SPTBN5: variants seen among roughly 807,000 people sequenced by gnomAD.
The protein encoded by SPTBN5 is spectrin beta chain, non-erythrocytic 5.
SPTBN5 carries 513 observed loss-of-function variants against 477.6 expected under a neutral mutation model. The ratio of observed to expected loss-of-function variants is 1.07; its 90% CI spans 1.00 to 1.16. The LOEUF (loss-of-function observed/expected upper bound fraction) is 1.16, where lower values mean the gene tolerates loss of function less well. Ranked by LOEUF, SPTBN5 falls within the 50% of genes most tolerant of loss-of-function variation. The pLI is 0.00. For synonymous variants in SPTBN5, 2,169 were observed against 2,011.7 expected, an observed-to-expected ratio of 1.08 and a Z score of -2.09; for missense variants, 5,062 against 4,731.8, an observed-to-expected ratio of 1.07 and a Z score of -2.05.
chr15:41,851,773 A>T lies in SPTBN5; in HGVS notation c.10656+6T>A. The T allele has an allele frequency of 6.2e-7, 1 of 1,607,046 alleles. No homozygotes were observed. The highest frequency in any genetic ancestry group is 8.5e-7 in the Non-Finnish European group (1 of 1,176,838). ...CTGCCTGGAGAAGGAATCTCCAGGC[A>T]CTCACCTGCCTCCCGCCAGGCAGCA... On this transcript the variant is annotated splice_donor_region_variant and intron_variant, in intron 63 of 67. Coordinates refer to ENST00000320955, the MANE Select transcript of SPTBN5 (RefSeq NM_016642.4).
At chr15:41,883,537 C>G (rs2067049291) in intron 7 of SPTBN5, 51 bp from the exon 8 acceptor site, 1 of 1,586,486 alleles carries the variant, frequency 6.3e-7, no homozygotes, top group Non-Finnish European at 8.6e-7. Flanking sequence ...GGCAGGGAAG[C>G]TACTTCAGGG....
At chr15:41,884,586 G>T (rs1019650076) in intron 7 of SPTBN5, among the ~76,000 whole-genome samples, 3 of 152,108 alleles carry the variant, frequency 2.0e-5, no homozygotes, top group Non-Finnish European at 4.4e-5. Flanking sequence ...TTCTGCCTTT[G>T]CCCCTTGGAT....
rs2066533944 is a variant in SPTBN5 at position 41,871,463 on chromosome 15, C to T, written c.5359G>A (p.Val1787Met). Reference sequence around the variant, plus strand: ...TCCGCCAGCAGCCGGCAGGCGGCCACCCGCTGGCTGCCCATCTCCACTTGG... The same window carrying T: ...TCCGCCAGCAGCCGGCAGGCGGCCATCCGCTGGCTGCCCATCTCCACTTGG... Reference protein sequence around the residue: ...QHQVEMGSQRVAACRLLAESL... With the variant: ...QHQVEMGSQRMAACRLLAESL... The change falls in exon 29 of 68, where the codon GTG becomes ATG. Residue 1787 changes from valine to methionine, a missense_variant. Coordinates refer to ENST00000320955, the MANE Select transcript of SPTBN5 (RefSeq NM_016642.4). 1 of 1,538,870 alleles carries T rather than the reference C, an allele frequency of 6.5e-7. No homozygotes were observed.
rs771901078 is a variant in SPTBN5 at position 41,853,730 on chromosome 15, GTCGGCAGGCCTCC to G, written c.9819_9831del (p.Glu3274TrpfsTer50). 6.1e-5 allele frequency: 97 copies of G among 1,589,968 alleles called. No homozygotes were observed. In the Admixed American group the frequency reaches 1.7e-3, roughly 28 times the overall value. ...GGAGCTGCAGGATGTAGCTGGCCCA[GTCGGCAGGCCTCC>G]GTCTGTAGCCGTGCCACCTCCTTCT... On this transcript the variant is annotated frameshift_variant, in exon 58 of 68. Transcript: ENST00000320955. LOFTEE classifies it high-confidence loss of function.
chr15:41,857,944 A>G (rs1028395223), intron 49 of SPTBN5, among the ~76,000 whole-genome samples: 1 of 152,254 alleles, frequency 6.6e-6, no homozygotes, highest in Non-Finnish European at 1.5e-5. Context: ...GGTGATTTAT[A>G]TCAGAGGGAG....
chr15:41,867,411 C>T, intron 35 of SPTBN5, 127 bp downstream of exon 35: 3 of 971,270 alleles, frequency 3.1e-6, no homozygotes, highest in Non-Finnish European at 4.8e-6. Context: ...CAACCCCAAC[C>T]AGGACCCCAG....
intron 67 of SPTBN5, among the ~76,000 whole-genome samples, 194 bp from the exon 68 acceptor site, chr15:41,848,822 C>A (rs770089787): frequency 4.9e-4 from 74 of 152,150 alleles, no homozygotes; most frequent in Non-Finnish European, 9.6e-4. Context: ...GGAGTTGCCT[C>A]GACTTTCATA....
chr15:41,854,971 C>A lies in SPTBN5; in HGVS notation c.9429G>T (p.Leu3143=). Residue 3143 remains leucine, a synonymous_variant, in exon 56 of 68, where the codon CTG becomes CTT. Transcript: ENST00000320955. ...TTCTGAAAGCATCAAACTTCTCTTC[C>A]AGCACCTGCAAAGGTATGAGGCCCA... is the stretch of plus-strand genomic sequence containing the variant. ...YGQDLEGVKV[L]EEKFDAFRKE... The A allele has an allele frequency of 6.5e-7, 1 of 1,540,922 alleles. No individual in the cohort carries two copies. The highest frequency in any genetic ancestry group is 1.2e-5 in the South Asian group (1 of 80,118).
chr15:41,862,075 G>T (rs904378998), intron 44 of SPTBN5, 55 bp downstream of exon 44: 17 of 1,393,428 alleles, frequency 1.2e-5, no homozygotes, highest in Non-Finnish European at 1.5e-5. Context: ...AGAGGAAGGG[G>T]AGGGCAGGGC....
intron 35 of SPTBN5, 91 bp downstream of exon 35, chr15:41,867,447 C>A (rs1452370337): frequency 2.6e-5 from 33 of 1,259,182 alleles, no homozygotes; most frequent in Non-Finnish European, 3.7e-5. Flanking sequence ...AGCACTGCCT[C>A]CAGGAACACA....
intron 14 of SPTBN5, 101 bp from the exon 15 acceptor site, chr15:41,879,965 T>C: frequency 6.7e-7 from 1 of 1,498,234 alleles, no homozygotes; most frequent in Non-Finnish European, 9.0e-7. Flanking sequence ...GCTACAGGGA[T>C]GCTCATGCTG....
rs1275316781 is a variant in SPTBN5, at chr15:41,868,393, C to T, written c.6057+5G>A. 2.5e-6 allele frequency: 4 copies of T among 1,595,526 alleles called. No homozygotes were observed. The highest frequency in any genetic ancestry group is 2.7e-5 in the African/African-American group (2 of 74,564). ...TATGTGGGGGCACCAGGGGAGGGGGCCCACCTCCTTGGTGGGTGTCCCTGC... is the reference window on the plus strand; with the variant it reads ...TATGTGGGGGCACCAGGGGAGGGGGTCCACCTCCTTGGTGGGTGTCCCTGC... On this transcript the variant is annotated splice_donor_5th_base_variant and intron_variant, in intron 33 of 67. Transcript: ENST00000320955.
Position 41,851,814 on chromosome 15 carries a change from C to T in SPTBN5, c.10621G>A (p.Glu3541Lys). 1 of 1,610,946 alleles carries T rather than the reference C, an allele frequency of 6.2e-7. No individual in the cohort carries two copies. Among genetic ancestry groups the T allele is most frequent in the South Asian group, 1.1e-5 (1 of 90,952 alleles). ...CCAGGCAGCAGGTGCTGCTTGAACT[C>T]CAAAGACCCCTCCATGGTGGGGGTA... ...KGTPTMEGSL[E>K]FKQHLLPGGR... Residue 3541 changes from glutamate to lysine, a missense_variant, in exon 63 of 68, where the codon GAG (glutamate) becomes AAG (lysine). Glu to Lys is a moderately conservative substitution (Grantham distance 56). Coordinates refer to ENST00000320955, the MANE Select transcript of SPTBN5 (RefSeq NM_016642.4).
At chr15:41,865,386 G>A (rs1427306232) in intron 39 of SPTBN5, among the ~76,000 whole-genome samples, 1 of 152,160 alleles carries the variant, frequency 6.6e-6, no homozygotes, top group African/African-American at 2.4e-5. Context: ...CCTGCAGAGA[G>A]GTCCCTGTGC....
chr15:41,887,600 T>C (rs2067195672), intron 5 of SPTBN5, among the ~76,000 whole-genome samples, 159 bp from the exon 6 acceptor site: 1 of 152,074 alleles, frequency 6.6e-6, no homozygotes, highest in African/African-American at 2.4e-5. Flanking sequence ...AGGAGGACTC[T>C]GACAGAGAAA....
intron 20 of SPTBN5, 120 bp downstream of exon 20, chr15:41,876,428 T>C (rs947959483): frequency 1.3e-5 from 17 of 1,329,778 alleles, no homozygotes; most frequent in Non-Finnish European, 1.8e-5. Flanking sequence ...TCACAGAAGG[T>C]GTTGAGAGGA....
chr15:41,859,032 G>T (rs2066013696), intron 47 of SPTBN5, 52 bp from the exon 48 acceptor site: 5 of 1,411,548 alleles, frequency 3.5e-6, no homozygotes, highest in East Asian at 5.0e-5. Context: ...GGCCAGGTGG[G>T]GTGCCCGTCC....
In SPTBN5 at chr15:41,874,404, C is replaced by T; in HGVS notation, c.4577G>A (p.Cys1526Tyr). The change falls in exon 24 of 68, where the codon TGC (cysteine) becomes TAC (tyrosine). Residue 1526 changes from cysteine (C) to tyrosine (Y), a missense_variant. Coordinates refer to ENST00000320955, the MANE Select transcript of SPTBN5 (RefSeq NM_016642.4). The stretch of plus-strand genomic sequence containing the variant: ...AGAGAGCTCCATGTTGCTCAGGTGG[C>T]AGAACTGGTGCAGCTCCACTGAGGC... Reference protein sequence around the residue: ...LQASVELHQFCHLSNMELSWV... With the variant: ...LQASVELHQFYHLSNMELSWV... The T allele has an allele frequency of 6.2e-7, 1 of 1,613,694 alleles. No homozygotes were observed. The highest frequency in any genetic ancestry group is 8.5e-7 in the Non-Finnish European group (1 of 1,179,866).
At chr15:41,852,769 T>TGCGG in intron 60 of SPTBN5, 34 bp from the exon 61 acceptor site, 1 of 1,272,806 alleles carries the variant, frequency 7.9e-7, no homozygotes, top group Non-Finnish European at 1.1e-6. Context: ...ACGCCCAGCT[T>TGCGG]GGGGGGGGGG....
Sources: allele counts gnomAD v4.1 joint callset (sites outside exome capture counted in the v4.1 genomes callset), GRCh38; gene constraint gnomAD v4.1.1; transcripts MANE v1.5; gene names NCBI Gene and HGNC (gene_info 2026-07-23, HGNC 2026-07-21).